Variants in KIAA1958 observed in about 807,000 individuals in gnomAD.
KIAA1958 encodes uncharacterized protein KIAA1958.
Under a neutral mutation model 47.2 loss-of-function variants are expected in KIAA1958, and 14 were observed. The ratio of observed to expected loss-of-function variants is 0.30; its 90% CI spans 0.20 to 0.46. The LOEUF (loss-of-function observed/expected upper bound fraction) is 0.46. KIAA1958 is among the 20% of genes least tolerant of loss of function. The probability of loss-of-function intolerance (pLI) is 1.00; values close to 1 mark genes in which losing one functional copy is unlikely to be tolerated. For synonymous variants in KIAA1958, 354 were observed against 353.3 expected (o/e 1.00, Z -0.02); for missense variants, 803 against 909.2 (o/e 0.88, Z 1.50).
chr9:112,583,255 G>A (rs145301209), intron 2 of KIAA1958, among the ~76,000 whole-genome samples: 15 of 152,218 alleles, frequency 9.9e-5, no homozygotes, highest in African/African-American at 3.4e-4. Context: ...CATCAGACTG[G>A]GGGAGCACAG....
intron 2 of KIAA1958, among the ~76,000 whole-genome samples, chr9:112,610,814 TTTGCTTATGAATACCAGTGCA>T (rs1261709559): frequency 1.3e-5 from 2 of 152,074 alleles, no homozygotes; most frequent in Admixed American, 1.3e-4. Context: ...ATAGACAAAA[TTTGCTTATGAATACCAGTGCA>T]GAAATACTAA....
intron 1 of KIAA1958, among the ~76,000 whole-genome samples, chr9:112,509,300 A>C (rs1177382920): frequency 6.7e-6 from 1 of 150,154 alleles, no homozygotes. Context: ...CCCCAGGTTC[A>C]AGCGATTCTC....
chr9:112,559,257 A>G (rs1034786251), intron 1 of KIAA1958, among the ~76,000 whole-genome samples: 5 of 152,232 alleles, frequency 3.3e-5, no homozygotes, highest in African/African-American at 9.6e-5. Flanking sequence ...TAATTGTCTG[A>G]TAACCAGATC....
intron 2 of KIAA1958, among the ~76,000 whole-genome samples, chr9:112,632,826 C>CT (rs1387315360): frequency 6.6e-6 from 1 of 151,034 alleles, no homozygotes; most frequent in Non-Finnish European, 1.5e-5. Context: ...TATTTTATAC[C>CT]TTCTGTGTTG....
intron 2 of KIAA1958, among the ~76,000 whole-genome samples, chr9:112,639,490 C>T (rs1374329388): frequency 1.3e-5 from 2 of 152,154 alleles, no homozygotes; most frequent in Non-Finnish European, 2.9e-5. Flanking sequence ...TATGCCAGGT[C>T]ACCCCCATGC....
At chr9:112,659,219 G>T (rs779056975) in intron 3 of KIAA1958, 44 bp from the exon 4 acceptor site, 3 of 1,526,512 alleles carry the variant, frequency 2.0e-6, no homozygotes, top group Non-Finnish European at 1.8e-6. Context: ...GGGTCTGGCT[G>T]TGTGAGTGTC....
intron 2 of KIAA1958, among the ~76,000 whole-genome samples, chr9:112,639,394 C>T (rs1836858556): frequency 6.6e-6 from 1 of 152,166 alleles, no homozygotes; most frequent in Admixed American, 6.5e-5. Context: ...GAGACACCTT[C>T]CTTACTCCAT....
chr9:112,582,201 A>G (rs937963942), intron 2 of KIAA1958, among the ~76,000 whole-genome samples: 3 of 152,184 alleles, frequency 2.0e-5, no homozygotes, highest in Admixed American at 2.0e-4. Flanking sequence ...GTAGTCAATA[A>G]TAACTTAATT....
At chr9:112,609,897 A>T (rs1836295742) in intron 2 of KIAA1958, among the ~76,000 whole-genome samples, 1 of 152,112 alleles carries the variant, frequency 6.6e-6, no homozygotes, top group Admixed American at 6.6e-5. Flanking sequence ...AGGAGAAGAA[A>T]AGTGGAGAGA....
In KIAA1958 at chr9:112,661,910, G is replaced by A. The variant is rs1334937252; in HGVS notation, c.*1841G>A. 1 of 152,164 alleles carries A rather than the reference G, an allele frequency of 6.6e-6. No homozygotes were observed. 9.4% of individuals were successfully genotyped at this position (152,164 alleles called of 1,614,324 possible). On this transcript the variant is annotated 3_prime_UTR_variant, in exon 4 of 4. Coordinates refer to ENST00000337530, the MANE Select transcript of KIAA1958 (RefSeq NM_133465.4). ...TCCTTTAGTTTGCTAAACACCCAAAGGATATTTTGTTTTGTTGGTTCTGCA... is the reference window on the plus strand; with the variant it reads ...TCCTTTAGTTTGCTAAACACCCAAAAGATATTTTGTTTTGTTGGTTCTGCA...
At position 112,575,195 on chromosome 9, in the gene KIAA1958, A is replaced by G. The variant is rs758065340; in HGVS notation, c.1115A>G (p.Gln372Arg). 1.9e-6 allele frequency: 3 copies of G among 1,583,992 alleles called. No individual in the cohort carries two copies. The highest frequency in any genetic ancestry group is 2.7e-5 in the African/African-American group (2 of 74,820). The change falls in exon 2 of 4, where the codon CAG becomes CGG. Residue 372 changes from glutamine to arginine, a missense_variant. This residue lies in a region of KIAA1958 where 761 missense variants were observed against 829.3 expected (regional missense o/e 0.92). Transcript: ENST00000337530. ...GAGCCAGAAGTGAGCTCCAGTCAGC[A>G]GCAGCCCCCAGTCGCTCCAGCCATA... is the stretch of plus-strand genomic sequence containing the variant. ...NTEPEVSSSQ[Q>R]QPPVAPAITT...
At chr9:112,549,798 T>C (rs1243328418) in intron 1 of KIAA1958, among the ~76,000 whole-genome samples, 2 of 152,094 alleles carry the variant, frequency 1.3e-5, no homozygotes, top group Admixed American at 1.3e-4. Flanking sequence ...TGTCACGACT[T>C]GGAGGTGGGT....
intron 2 of KIAA1958, among the ~76,000 whole-genome samples, chr9:112,633,800 G>A (rs917766532): frequency 6.6e-6 from 1 of 152,094 alleles, no homozygotes; most frequent in African/African-American, 2.4e-5. Flanking sequence ...CACTCCAGTA[G>A]TCCACTCCTT....
At position 112,618,560 on chromosome 9, in the gene KIAA1958, A is replaced by G; in HGVS notation, c.1172-27090A>G. On this transcript the variant is annotated intron_variant, in intron 2 of 3. Transcript: ENST00000337530. The surrounding 1 kb of genome is among the most constrained non-coding windows in gnomAD (Gnocchi z 7.1). The stretch of plus-strand genomic sequence containing the variant: ...ACAGACCTGCCCTGTCCAGGACTAT[A>G]AGGAGTATGCCCAGCGGCGGCCTCC... The G allele has an allele frequency of 6.4e-7, 1 of 1,550,690 alleles. No individual in the cohort carries two copies.
At chr9:112,648,018 G>A (rs1396553825) in intron 3 of KIAA1958, among the ~76,000 whole-genome samples, 1 of 152,182 alleles carries the variant, frequency 6.6e-6, no homozygotes, top group Admixed American at 6.5e-5. Context: ...AATATTACTA[G>A]ACATGGGAAC....
chr9:112,658,585 A>C (rs768749845), intron 3 of KIAA1958, among the ~76,000 whole-genome samples: 3 of 152,182 alleles, frequency 2.0e-5, no homozygotes, highest in Non-Finnish European at 2.9e-5. Context: ...TACTATTTAC[A>C]CACCCTTTCA....
At chr9:112,559,629 G>A (rs910849908) in intron 1 of KIAA1958, among the ~76,000 whole-genome samples, 1 of 152,198 alleles carries the variant, frequency 6.6e-6, no homozygotes, top group African/African-American at 2.4e-5. Flanking sequence ...TATTTACCAA[G>A]GTGAGGCTGT....
At chr9:112,531,748 A>G (rs1457399816) in intron 1 of KIAA1958, among the ~76,000 whole-genome samples, 1 of 152,258 alleles carries the variant, frequency 6.6e-6, no homozygotes, top group Non-Finnish European at 1.5e-5. Flanking sequence ...TAAAGTTTAC[A>G]GAATTGTTCA....
In KIAA1958 at chr9:112,489,222, A is replaced by G. The variant is rs898959964; in HGVS notation, c.-25+2104A>G. Among the ~76,000 whole-genome samples the G allele has an allele frequency of 3.3e-5, 5 of 152,138 alleles. No individual in the cohort carries two copies. In the East Asian group the frequency reaches 9.6e-4, roughly 29 times the overall value. On this transcript the variant is annotated intron_variant, in intron 1 of 3. Transcript: ENST00000337530. ...AGAATTTCAGCACTTAGATATACGT[A>G]CTCTTCCTTAGCTCTTTAAAATATT... is the stretch of plus-strand genomic sequence containing the variant.
Sources: allele counts gnomAD v4.1 joint callset (sites outside exome capture counted in the v4.1 genomes callset), GRCh38; gene constraint gnomAD v4.1.1; regional missense constraint gnomAD v4.1.1; non-coding constraint Gnocchi (gnomAD v3.1); transcripts MANE v1.5; gene names NCBI Gene and HGNC (gene_info 2026-07-23, HGNC 2026-07-21).